Variants in ZMYM4 observed in about 807,000 individuals in gnomAD.
The protein encoded by ZMYM4 is zinc finger MYM-type containing 4, also known as zinc finger MYM-type protein 4.
ZMYM4 carries 31 observed loss-of-function variants against 183.2 expected under a neutral mutation model. That is an observed-to-expected ratio of 0.17 (90% CI 0.13 to 0.23). The LOEUF is 0.23. ZMYM4 is among the 10% of genes least tolerant of loss of function. ZMYM4 has a pLI of 1.00. For missense variants in ZMYM4, 1,273 were observed against 1,840.3 expected, an observed-to-expected ratio of 0.69 and a Z score of 5.64; for synonymous variants, 592 against 631.2, an observed-to-expected ratio of 0.94 and a Z score of 0.93.
chr1:35,294,878 G>T (rs1640930492), intron 1 of ZMYM4, among the ~76,000 whole-genome samples: 1 of 152,178 alleles, frequency 6.6e-6, no homozygotes, highest in South Asian at 2.1e-4. Context: ...AAATATCAGA[G>T]AACGGACTTT....
chr1:35,380,849 A>G (rs1644441877), intron 7 of ZMYM4, among the ~76,000 whole-genome samples: 3 of 152,202 alleles, frequency 2.0e-5, no homozygotes, highest in Non-Finnish European at 1.5e-5. Flanking sequence ...TGTAAAATGT[A>G]TGTTTACTTT....
chr1:35,330,995 G>C (rs1201192959), intron 2 of ZMYM4, among the ~76,000 whole-genome samples: 1 of 152,124 alleles, frequency 6.6e-6, no homozygotes, highest in East Asian at 1.9e-4. Context: ...GCATCAGTTT[G>C]TGTCTGAATT....
chr1:35,279,374 G>A (rs1289060542), intron 1 of ZMYM4, among the ~76,000 whole-genome samples: 1 of 152,094 alleles, frequency 6.6e-6, no homozygotes, highest in South Asian at 2.1e-4. Context: ...TAGACGAGAG[G>A]ATTCTTCACA....
chr1:35,361,642 T>G lies in ZMYM4; in HGVS notation c.693T>G (p.Asn231Lys). ...NFRDSSYPFA[N>K]KESIGSELGN... ...AGGATTCCAGCTACCCATTTGCCAA[T>G]AAAGAATCCATTGGTTCGGAACTGG... The change falls in exon 5 of 30, where the codon AAT becomes AAG. Residue 231 changes from asparagine (N) to lysine (K), a missense_variant. Physicochemically the swap from Asn to Lys is moderately conservative, Grantham distance 94 (BLOSUM62 0). Transcript: ENST00000314607. The G allele has an allele frequency of 6.2e-7, 1 of 1,612,640 alleles. No individual in the cohort carries two copies. Among genetic ancestry groups the G allele is most frequent in the Non-Finnish European group, 8.5e-7 (1 of 1,179,542 alleles).
chr1:35,320,260 A>G (rs907962184), intron 1 of ZMYM4, among the ~76,000 whole-genome samples: 8 of 152,226 alleles, frequency 5.3e-5, no homozygotes, highest in African/African-American at 1.9e-4. Context: ...CGAGTTGAGC[A>G]GCAGTGCCAA....
chr1:35,371,318 G>C (rs1455290587), intron 7 of ZMYM4, among the ~76,000 whole-genome samples: 1 of 151,940 alleles, frequency 6.6e-6, no homozygotes, highest in African/African-American at 2.4e-5. Flanking sequence ...GGCTTTCTCT[G>C]TGTTAGCCAG....
At chr1:35,354,162 G>GA (rs1041745668) in intron 2 of ZMYM4, among the ~76,000 whole-genome samples, 6 of 151,488 alleles carry the variant, frequency 4.0e-5, no homozygotes, top group African/African-American at 1.5e-4. Context: ...AAGAAAGAAA[G>GA]AAAAAAAAGA....
chr1:35,276,507 C>CT (rs2148673069), intron 1 of ZMYM4, among the ~76,000 whole-genome samples: 1 of 146,458 alleles, frequency 6.8e-6, no homozygotes, highest in Non-Finnish European at 1.5e-5. Context: ...CTTTAAGTGT[C>CT]TTTTTACACT....
At chr1:35,298,418 A>G (rs1371456459) in intron 1 of ZMYM4, among the ~76,000 whole-genome samples, 2 of 152,172 alleles carry the variant, frequency 1.3e-5, no homozygotes, top group Admixed American at 6.6e-5. Context: ...CTCAAAAAAA[A>G]GTCACTAGGA....
At chr1:35,382,546 G>C (rs185580788) in intron 9 of ZMYM4, among the ~76,000 whole-genome samples, 127 of 150,692 alleles carry the variant, frequency 8.4e-4, no homozygotes, top group African/African-American at 2.9e-3. Context: ...TGGTTCAAGC[G>C]ATTCTCCTGC....
chr1:35,403,444 C>G (rs975458981), intron 23 of ZMYM4, among the ~76,000 whole-genome samples: 1 of 152,032 alleles, frequency 6.6e-6, no homozygotes, highest in Admixed American at 6.5e-5. Context: ...CACCACCATG[C>G]CTGGGTAATT....
chr1:35,360,533 A>G (rs1483144808), intron 3 of ZMYM4, among the ~76,000 whole-genome samples: 2 of 152,118 alleles, frequency 1.3e-5, no homozygotes, highest in Admixed American at 6.6e-5. Context: ...ATTTTTCTCT[A>G]TAATTCAGTA....
intron 1 of ZMYM4, chr1:35,295,878 G>A (rs2148729841): frequency 6.6e-6 from 1 of 152,280 alleles, no homozygotes; most frequent in African/African-American, 2.4e-5. Flanking sequence ...ACCAGATTTA[G>A]CCATTTTTCT....
At position 35,399,570 on chromosome 1, in the gene ZMYM4, A is replaced by G. The variant is rs927526628; in HGVS notation, c.3522A>G (p.Arg1174=). ...ACAGAGATGGCTTCCCCCAACCCAGACGAAGAGTAAGCTGCAGCTTAACTT... is the reference window on the plus strand; with the variant it reads ...ACAGAGATGGCTTCCCCCAACCCAGGCGAAGAGTAAGCTGCAGCTTAACTT... ...RRHRDGFPQP[R]RRGRKKSIVA... is the part of the protein sequence containing the mutation. Residue 1174 remains arginine (R), a synonymous_variant, in exon 23 of 30, where the codon AGA becomes AGG. Coordinates refer to ENST00000314607, the MANE Select transcript of ZMYM4 (RefSeq NM_005095.3). The G allele has an allele frequency of 1.2e-6, 2 of 1,614,076 alleles. No homozygotes were observed. The highest frequency in any genetic ancestry group is 8.5e-7 in the Non-Finnish European group (1 of 1,179,988).
Position 35,415,658 on chromosome 1 carries a change from C to T in ZMYM4, c.4253C>T (p.Thr1418Ile), listed in dbSNP as rs745658611. The change falls in exon 28 of 30, where the codon ACC becomes ATC. Residue 1418 changes from threonine (T) to isoleucine (I), a missense_variant. Physicochemically the swap from Thr to Ile is moderately conservative, Grantham distance 89. This residue lies in a region of ZMYM4 where 145 missense variants were observed against 331.6 expected (regional missense o/e 0.44). Transcript: ENST00000314607. ...CGGACCAGGACTCTGAAGTACAGTA[C>T]CAAGATGACATATCTGAGGTTCTTC... ...MRRTRTLKYS[T>I]KMTYLRFFPP... 121 of 1,613,948 alleles carry T rather than the reference C, an allele frequency of 7.5e-5. No homozygotes were observed. Among genetic ancestry groups the T allele is most frequent in the Non-Finnish European group, 1.0e-4 (120 of 1,180,038 alleles).
At chr1:35,284,389 A>G (rs1348585091) in intron 1 of ZMYM4, among the ~76,000 whole-genome samples, 1 of 152,086 alleles carries the variant, frequency 6.6e-6, no homozygotes, top group Non-Finnish European at 1.5e-5. Context: ...ATTTTTCCCT[A>G]TGTTTTCTTC....
At chr1:35,307,415 CAG>C (rs1382822535) in intron 1 of ZMYM4, among the ~76,000 whole-genome samples, 1 of 151,816 alleles carries the variant, frequency 6.6e-6, no homozygotes, top group Admixed American at 6.6e-5. Flanking sequence ...CTTGGACAAA[CAG>C]AATTCCCTTA....
intron 2 of ZMYM4, among the ~76,000 whole-genome samples, chr1:35,357,818 AG>A (rs779075825): frequency 2.6e-5 from 4 of 152,228 alleles, no homozygotes; most frequent in Non-Finnish European, 5.9e-5. Context: ...GTGCTTAGGA[AG>A]TCAGTAGCAA....
chr1:35,312,013 A>G (rs1316379652), intron 1 of ZMYM4, among the ~76,000 whole-genome samples: 3 of 152,030 alleles, frequency 2.0e-5, no homozygotes, highest in Non-Finnish European at 4.4e-5. Flanking sequence ...TGGCCTCCCA[A>G]AGTGCTGGCA....
Sources: allele counts gnomAD v4.1 joint callset (sites outside exome capture counted in the v4.1 genomes callset), GRCh38; gene constraint gnomAD v4.1.1; regional missense constraint gnomAD v4.1.1; transcripts MANE v1.5; gene names NCBI Gene and HGNC (gene_info 2026-07-23, HGNC 2026-07-21).